Variants in CMC1 observed in about 807,000 individuals in gnomAD.
CMC1 encodes C-X9-C motif containing 1.
A neutral mutation model predicts 14.1 loss-of-function variants in CMC1; 14 were observed. That is an observed-to-expected ratio of 0.99 (90% CI 0.66 to 1.55). The LOEUF is 1.55. CMC1 is among the 40% of genes most tolerant of loss of function. The pLI is 0.00. For missense variants in CMC1, 127 were observed against 123.8 expected (o/e 1.03, Z -0.12); for synonymous variants, 50 against 38.4 (o/e 1.30, Z -1.12).
intron 2 of CMC1, among the ~76,000 whole-genome samples, chr3:28,296,553 T>C (rs1559433270): frequency 6.6e-6 from 1 of 152,054 alleles, no homozygotes; most frequent in Non-Finnish European, 1.5e-5. Context: ...CAAATAAGAC[T>C]GTGACAGCCA....
chr3:28,259,891 C>T (rs1279342092), intron 1 of CMC1, among the ~76,000 whole-genome samples: 1 of 151,622 alleles, frequency 6.6e-6, no homozygotes, highest in Admixed American at 6.6e-5. Context: ...AATTTTATAC[C>T]ATGTTTCTTT....
rs766146944 is a variant in CMC1 at position 28,324,404 on chromosome 3, G to A, written c.*4775G>A. 8.4e-6 allele frequency: 13 copies of A among 1,545,182 alleles called. No individual in the cohort carries two copies. In the South Asian group the frequency reaches 1.4e-4, roughly 16 times the overall value. On this transcript the variant is annotated 3_prime_UTR_variant, in exon 4 of 4. Transcript: ENST00000466830. The stretch of plus-strand genomic sequence containing the variant: ...GTTGCAGTAAAATTCATCAAGTGCA[G>A]TTTTGTGCTGTCTCTTCCAAGGTCT...
In CMC1 at chr3:28,263,339, TGA is replaced by T; in HGVS notation, c.73_74del (p.Glu25LysfsTer8). On this transcript the variant is annotated frameshift_variant, in exon 2 of 4. Coordinates refer to ENST00000466830, the MANE Select transcript of CMC1 (RefSeq NM_182523.2). LOFTEE classifies it high-confidence loss of function. ...AAAGATGTTTTGATCCCTAAAATAA[TGA>T]GAGAAAAGGCCAAAGAGAGGTGTTC... is the stretch of plus-strand genomic sequence containing the variant. 6.2e-7 allele frequency: 1 copy of T among 1,609,294 alleles called. No individual in the cohort carries two copies. Among genetic ancestry groups the T allele is most frequent in the Non-Finnish European group, 8.5e-7 (1 of 1,177,878 alleles).
At chr3:28,291,976 C>G (rs1207131833) in intron 2 of CMC1, 1 of 151,994 alleles carries the variant, frequency 6.6e-6, no homozygotes, top group African/African-American at 2.4e-5. Context: ...TTTTTTTATA[C>G]TAAGTGTTTT....
chr3:28,251,122 A>G (rs1699104970), intron 1 of CMC1, among the ~76,000 whole-genome samples: 1 of 152,192 alleles, frequency 6.6e-6, no homozygotes, highest in South Asian at 2.1e-4. Flanking sequence ...TTATAAAGAA[A>G]GAAGTGTATT....
At chr3:28,272,116 C>G (rs900352217) in intron 2 of CMC1, among the ~76,000 whole-genome samples, 1 of 152,080 alleles carries the variant, frequency 6.6e-6, no homozygotes, top group Admixed American at 6.6e-5. Flanking sequence ...GCTTAAGGAG[C>G]TTTTGGGCTG....
intron 2 of CMC1, among the ~76,000 whole-genome samples, chr3:28,299,815 T>G (rs1249822331): frequency 1.3e-5 from 2 of 152,160 alleles, no homozygotes; most frequent in Admixed American, 1.3e-4. Context: ...AATGTTTATC[T>G]TCAGAAATAA....
At chr3:28,313,011 C>G (rs1041352621) in intron 2 of CMC1, among the ~76,000 whole-genome samples, 2 of 152,080 alleles carry the variant, frequency 1.3e-5, no homozygotes, top group South Asian at 4.1e-4. Context: ...CGCCTGCCAC[C>G]ATGCCCAGCT....
At chr3:28,272,920 T>C (rs6551248) in intron 2 of CMC1, among the ~76,000 whole-genome samples, 94,592 of 151,906 alleles carry the variant, frequency 0.62, 29,529 homozygotes, top group East Asian at 0.71. Context: ...CTCCTGACCT[T>C]GTGATCTGCC....
intron 2 of CMC1, among the ~76,000 whole-genome samples, chr3:28,263,597 A>G (rs1352760507): frequency 1.3e-5 from 2 of 152,048 alleles, no homozygotes; most frequent in Admixed American, 1.3e-4. Flanking sequence ...AGTAAAAAAC[A>G]TTTTTTGTTT....
At chr3:28,315,492 A>G (rs1337075277) in intron 2 of CMC1, among the ~76,000 whole-genome samples, 1 of 152,106 alleles carries the variant, frequency 6.6e-6, no homozygotes, top group African/African-American at 2.4e-5. Context: ...AAGCAAAGGG[A>G]TGCCTTGCTG....
At position 28,241,729 on chromosome 3, in the gene CMC1, C is replaced by T; in HGVS notation, c.-65C>T. The T allele has an allele frequency of 2.4e-6, 3 of 1,241,170 alleles. No homozygotes were observed. Among genetic ancestry groups the T allele is most frequent in the Non-Finnish European group, 3.0e-6 (3 of 988,034 alleles). 76.9% of individuals were successfully genotyped at this position (1,241,170 alleles called of 1,614,324 possible). On this transcript the variant is annotated 5_prime_UTR_variant, in exon 1 of 4. Coordinates refer to ENST00000466830, the MANE Select transcript of CMC1 (RefSeq NM_182523.2). Reference sequence around the variant, plus strand: ...CGTGCGTCCGAGCCCAAGCCCCTCCCCTCCACTCCCCTTCCTGCGTGCCCC... The same window carrying T: ...CGTGCGTCCGAGCCCAAGCCCCTCCTCTCCACTCCCCTTCCTGCGTGCCCC...
At chr3:28,300,722 C>T (rs959619600) in intron 2 of CMC1, among the ~76,000 whole-genome samples, 1 of 136,042 alleles carries the variant, frequency 7.4e-6, no homozygotes, top group African/African-American at 2.7e-5. Context: ...TCCCTCCTTC[C>T]TCCCTCTCTC....
intron 1 of CMC1, among the ~76,000 whole-genome samples, chr3:28,244,952 GTTTTT>G (rs397973045): frequency 7.1e-6 from 1 of 139,878 alleles, no homozygotes; most frequent in East Asian, 2.1e-4. Flanking sequence ...ATGGAAGCCA[GTTTTT>G]TTTTTTTTTT....
At chr3:28,293,437 A>G (rs1452629325) in intron 2 of CMC1, among the ~76,000 whole-genome samples, 1 of 152,116 alleles carries the variant, frequency 6.6e-6, no homozygotes, top group African/African-American at 2.4e-5. Flanking sequence ...TTTGATTTCA[A>G]ATGATTTGTA....
intron 1 of CMC1, among the ~76,000 whole-genome samples, chr3:28,242,841 T>C (rs1698602730): frequency 6.6e-6 from 1 of 152,114 alleles, no homozygotes; most frequent in South Asian, 2.1e-4. Context: ...ATGAAGCAGT[T>C]AGCAGTTGAT....
At chr3:28,309,821 C>CCACACA (rs57499697) in intron 2 of CMC1, among the ~76,000 whole-genome samples, 19,446 of 131,538 alleles carry the variant, frequency 0.15, 1,721 homozygotes, top group African/African-American at 0.19. Context: ...CTGATATTTA[C>CCACACA]CACACACACA....
Position 28,256,963 on chromosome 3 carries a change from A to G in CMC1, c.20-6328A>G, listed in dbSNP as rs1363166033. ...CATAAAAAATCAATTGAACCTAAAC[A>G]CTAGCAGTAAATAATTACAACAGGT... On this transcript the variant is annotated intron_variant, in intron 1 of 3. Coordinates refer to ENST00000466830, the MANE Select transcript of CMC1 (RefSeq NM_182523.2). 2.0e-5 allele frequency among the ~76,000 whole-genome samples: 3 copies of G among 152,220 alleles called. 1 individual carries two copies. Among genetic ancestry groups the G allele is most frequent in the Non-Finnish European group, 4.4e-5 (3 of 68,028 alleles).
At chr3:28,265,176 T>C (rs938210133) in intron 2 of CMC1, among the ~76,000 whole-genome samples, 11 of 152,110 alleles carry the variant, frequency 7.2e-5, no homozygotes, top group African/African-American at 2.7e-4. Flanking sequence ...GTGACTCATT[T>C]GGATTATTTA....
Sources: gnomAD v4.1 joint callset for allele counts (sites outside exome capture counted in the v4.1 genomes callset) on GRCh38, gnomAD v4.1.1 for gene constraint, MANE v1.5 for transcripts, NCBI Gene and HGNC (gene_info 2026-07-23, HGNC 2026-07-21) for gene names.